The following FBXW9 variants were observed in gnomAD, a reference collection of about 807,000 sequenced individuals.
FBXW9 encodes the protein F-box/WD repeat-containing protein 9.
A neutral mutation model predicts 55.8 loss-of-function variants in FBXW9; 38 were observed. That is an observed-to-expected ratio of 0.68 (90% CI 0.53 to 0.89). The LOEUF (loss-of-function observed/expected upper bound fraction) is 0.89, where lower values mean the gene tolerates loss of function less well. FBXW9 is among the 40% of genes least tolerant of loss of function. The pLI, the probability that FBXW9 is intolerant of heterozygous loss-of-function variation, is 0.00. For missense variants in FBXW9, 590 were observed against 619.4 expected (o/e 0.95, Z 0.50); for synonymous variants, 289 against 278.2 (o/e 1.04, Z -0.38).
At position 12,689,818 on chromosome 19, in the gene FBXW9, G is replaced by A. The variant is rs777866356; in HGVS notation, c.1089C>T (p.Asp363=). 1 of 1,614,156 alleles carries A rather than the reference G, an allele frequency of 6.2e-7. No homozygotes were observed. The highest frequency in any genetic ancestry group is 1.1e-5 in the South Asian group (1 of 91,086). The change falls in exon 7 of 10, where the codon GAC becomes GAT. Residue 363 remains aspartate, a synonymous_variant. Transcript: ENST00000393261. This position sits in a 1 kb window ranked among gnomAD's most constrained non-coding sequence, Gnocchi z 5.9. ...SYQEPQLWAG[D]NQGLLHVFAN... Reference sequence around the variant, plus strand: ...CGAAGACGTGCAGCAGGCCCTGGTTGTCACCAGCCCAGAGCTGGGGTTCCT... The same window carrying A: ...CGAAGACGTGCAGCAGGCCCTGGTTATCACCAGCCCAGAGCTGGGGTTCCT...
chr19:12,696,093 C>T, intron 1 of FBXW9, 80 bp downstream of exon 1: 5 of 1,349,704 alleles, frequency 3.7e-6, no homozygotes, highest in Non-Finnish European at 4.9e-6. Flanking sequence ...CCGGAACACC[C>T]CATGTACCTC....
Position 12,689,755 on chromosome 19 carries a change from G to A in FBXW9, c.1146+6C>T, listed in dbSNP as rs1211553448. The A allele has an allele frequency of 6.2e-7, 1 of 1,613,654 alleles. No homozygotes were observed. Among genetic ancestry groups the A allele is most frequent in the Non-Finnish European group, 8.5e-7 (1 of 1,179,620 alleles). Reference sequence around the variant, plus strand: ...GGGACAGTCAGGGGCAGGAGCTCCAGCAGACCCGGATAAGCTGGAAGCAGC... The same window carrying A: ...GGGACAGTCAGGGGCAGGAGCTCCAACAGACCCGGATAAGCTGGAAGCAGC... On this transcript the variant is annotated splice_donor_region_variant and intron_variant, in intron 7 of 9. Coordinates refer to ENST00000393261, the MANE Select transcript of FBXW9 (RefSeq NM_032301.3). The surrounding 1 kb of genome is among the most constrained non-coding windows in gnomAD (Gnocchi z 5.9).
At chr19:12,695,399 G>A (rs563460587) in intron 1 of FBXW9, among the ~76,000 whole-genome samples, 19 of 152,334 alleles carry the variant, frequency 1.2e-4, no homozygotes, top group African/African-American at 4.6e-4. Context: ...CCCAGATGCA[G>A]ATTCTGTGAT....
Position 12,689,562 on chromosome 19 carries a change from T to C in FBXW9, c.1215A>G (p.Thr405=), listed in dbSNP as rs2024973571. 6.2e-7 allele frequency: 1 copy of C among 1,613,936 alleles called. No individual in the cohort carries two copies. Among genetic ancestry groups the C allele is most frequent in the Admixed American group, 1.7e-5 (1 of 59,992 alleles). The change falls in exon 8 of 10, where the codon ACA becomes ACG. Residue 405 remains threonine (T), a synonymous_variant. Transcript: ENST00000393261. This position sits in a 1 kb window ranked among gnomAD's most constrained non-coding sequence, Gnocchi z 5.9. ...IQYSVGALYT[T]STDKTIRVHV... ...TCACCCGGATGGTCTTGTCAGTGGA[T>C]GTGGTGTACAAGGCTCCCACGGAGT...
At position 12,689,449 on chromosome 19, in the gene FBXW9, C is replaced by T. The variant is rs1395185490; in HGVS notation, c.1237-12G>A. 6.2e-6 allele frequency: 10 copies of T among 1,613,952 alleles called. No homozygotes were observed. The African/African-American group carries it at 1.3e-4, about 22-fold the overall frequency. Reference sequence around the variant, plus strand: ...GTGGGCACGTGCACCTAGTGAGGGGCAATGGGCGAGGTCAAGAGGTGTGCC... The same window carrying T: ...GTGGGCACGTGCACCTAGTGAGGGGTAATGGGCGAGGTCAAGAGGTGTGCC... On this transcript the variant is annotated splice_polypyrimidine_tract_variant and intron_variant, in intron 8 of 9. Transcript: ENST00000393261. This position sits in a 1 kb window ranked among gnomAD's most constrained non-coding sequence, Gnocchi z 5.9.
intron 1 of FBXW9, 134 bp downstream of exon 1, chr19:12,696,039 A>G (rs2025065516): frequency 1.0e-6 from 1 of 960,648 alleles, no homozygotes; most frequent in Non-Finnish European, 1.5e-6. Flanking sequence ...CTTAGCCTCC[A>G]GCCTGAGCCA....
chr19:12,690,162 C>A (rs777566436), intron 5 of FBXW9, 52 bp from the exon 6 acceptor site: 7 of 1,609,318 alleles, frequency 4.3e-6, no homozygotes, highest in Non-Finnish European at 5.9e-6. Context: ...CTCGAAGGCC[C>A]CCCCCAGCCC....
rs1304034449 is a variant in FBXW9 at position 12,696,348 on chromosome 19, G to A, written c.234C>T (p.Gly78=). 6.2e-7 allele frequency: 1 copy of A among 1,601,882 alleles called. No homozygotes were observed. Among genetic ancestry groups the A allele is most frequent in the Non-Finnish European group, 8.5e-7 (1 of 1,174,962 alleles). ...ASRVSAVSEP[G]LLSLPPELLL... ...GCAGCTCCGGGGGAAGGCTCAGAAG[G>A]CCCGGCTCACTTACGGCCGAAACCC... is the stretch of plus-strand genomic sequence containing the variant. The change falls in exon 1 of 10, where the codon GGC becomes GGT. Residue 78 remains glycine (G), a synonymous_variant. Transcript: ENST00000393261.
At position 12,694,597 on chromosome 19, in the gene FBXW9, A is replaced by C. The variant is rs1214023273; in HGVS notation, c.675T>G (p.His225Gln). Reference sequence around the variant, plus strand: ...CTATCCCCACCTGACTCCTCACCTCATGGGTACTATTTCGCTTAGTGCCTA... The same window carrying C: ...CTATCCCCACCTGACTCCTCACCTCCTGGGTACTATTTCGCTTAGTGCCTA... Reference protein sequence around the residue: ...KTLGTKRNSTHEGWVWSLAAQ... With the variant: ...KTLGTKRNSTQEGWVWSLAAQ... The change falls in exon 3 of 10, where the codon CAT becomes CAG. Residue 225 changes from histidine to glutamine, a missense_variant. By Grantham distance (24) the His-to-Gln change is conservative. Coordinates refer to ENST00000393261, the MANE Select transcript of FBXW9 (RefSeq NM_032301.3). 1 of 1,613,998 alleles carries C rather than the reference A, an allele frequency of 6.2e-7. No individual in the cohort carries two copies. Among genetic ancestry groups the C allele is most frequent in the Non-Finnish European group, 8.5e-7 (1 of 1,179,892 alleles).
chr19:12,696,393 C>T lies in FBXW9; in HGVS notation c.189G>A (p.Ser63=). 1 of 1,611,730 alleles carries T rather than the reference C, an allele frequency of 6.2e-7. No homozygotes were observed. Among genetic ancestry groups the T allele is most frequent in the Non-Finnish European group, 8.5e-7 (1 of 1,179,500 alleles). ...LSTPAASPSA[S]EPRAASRVSA... ...AAACCCTGGACGCGGCCCGAGGCTC[C>T]GAAGCGCTCGGGGACGCGGCGGGTG... The change falls in exon 1 of 10, where the codon TCG becomes TCA. Residue 63 remains serine, a synonymous_variant. Transcript: ENST00000393261.
chr19:12,694,707 GAC>G lies in FBXW9; in HGVS notation c.563_564del (p.Cys188SerfsTer32). 1 of 1,614,200 alleles carries G rather than the reference GAC, an allele frequency of 6.2e-7. No individual in the cohort carries two copies. Among genetic ancestry groups the G allele is most frequent in the Non-Finnish European group, 8.5e-7 (1 of 1,180,028 alleles). On this transcript the variant is annotated frameshift_variant, in exon 3 of 10. Coordinates refer to ENST00000393261, the MANE Select transcript of FBXW9 (RefSeq NM_032301.3). LOFTEE classifies it high-confidence loss of function. ...ACGTTGCGATCTCGGGAGCCCGACA[GAC>G]AGAGTGACCCACCCTGGAAAGGGAG... ...SVLLLQGGSL[C>X]LSGSRDRNVN... is the part of the protein sequence containing the mutation.
At position 12,694,786 on chromosome 19, in the gene FBXW9, G is replaced by C. The variant is rs2025054336; in HGVS notation, c.549+13C>G. On this transcript the variant is annotated intron_variant, in intron 2 of 9. Coordinates refer to ENST00000393261, the MANE Select transcript of FBXW9 (RefSeq NM_032301.3). ...GGCCCACCCTGCCTGGCCCCCCACAGACCCCGTCTCACCTGGAGCAGCAGC... is the reference window on the plus strand; with the variant it reads ...GGCCCACCCTGCCTGGCCCCCCACACACCCCGTCTCACCTGGAGCAGCAGC... 3 of 1,613,860 alleles carry C rather than the reference G, an allele frequency of 1.9e-6. No homozygotes were observed. Among genetic ancestry groups the C allele is most frequent in the Non-Finnish European group, 2.5e-6 (3 of 1,179,880 alleles).
intron 1 of FBXW9, 65 bp downstream of exon 1, chr19:12,696,108 C>T: frequency 6.9e-7 from 1 of 1,441,596 alleles, no homozygotes; most frequent in Non-Finnish European, 9.1e-7. Context: ...TACCTCTTCC[C>T]CGCCCCAAGC....
intron 5 of FBXW9, among the ~76,000 whole-genome samples, chr19:12,690,794 G>C (rs562415237): frequency 1.3e-5 from 2 of 152,152 alleles, no homozygotes; most frequent in East Asian, 3.9e-4. Context: ...ACAGGTAGGC[G>C]CCACCACATC....
In FBXW9 at chr19:12,689,941, A is replaced by G. The variant is rs927936019; in HGVS notation, c.1032+21T>C. On this transcript the variant is annotated intron_variant, in intron 6 of 9. Transcript: ENST00000393261. The surrounding 1 kb of genome is among the most constrained non-coding windows in gnomAD (Gnocchi z 5.9). Reference sequence around the variant, plus strand: ...GGCCTGCAACAGTCCCCATCCCTCCAGGCCCCTGGGGAGGGCCCACCTGCA... The same window carrying G: ...GGCCTGCAACAGTCCCCATCCCTCCGGGCCCCTGGGGAGGGCCCACCTGCA... 9.3e-6 allele frequency: 15 copies of G among 1,612,782 alleles called. No individual in the cohort carries two copies. Among genetic ancestry groups the G allele is most frequent in the African/African-American group, 1.3e-5 (1 of 74,970 alleles).
At chr19:12,694,978 C>T (rs2025056810) in intron 1 of FBXW9, 40 bp from the exon 2 acceptor site, 1 of 1,590,298 alleles carries the variant, frequency 6.3e-7, no homozygotes, top group Non-Finnish European at 8.5e-7. Context: ...TGGGCAGGGA[C>T]CCTAGCACCC....
intron 1 of FBXW9, among the ~76,000 whole-genome samples, chr19:12,695,743 G>A (rs1161809592): frequency 3.3e-5 from 5 of 152,128 alleles, no homozygotes; most frequent in Admixed American, 3.3e-4. Context: ...ACATCAACAG[G>A]TGCTGTCTCA....
In FBXW9 at chr19:12,689,986, G is replaced by T; in HGVS notation, c.1008C>A (p.Ala336=). 1 of 1,613,962 alleles carries T rather than the reference G, an allele frequency of 6.2e-7. No individual in the cohort carries two copies. The highest frequency in any genetic ancestry group is 8.5e-7 in the Non-Finnish European group (1 of 1,180,018). ...DHTLVVVDRR[A]NSVLQRLQLD... ...CCTGCAGACGCTGCAGGACGCTGTT[G>T]GCTCGGCGGTCCACCACCACCAGGG... Residue 336 remains alanine (A), a synonymous_variant, in exon 6 of 10, where the codon GCC becomes GCA. Coordinates refer to ENST00000393261, the MANE Select transcript of FBXW9 (RefSeq NM_032301.3). The surrounding 1 kb of genome is among the most constrained non-coding windows in gnomAD (Gnocchi z 5.9).
chr19:12,696,585 G>T lies in FBXW9; in HGVS notation c.-4C>A, dbSNP rs1470680197. 1.9e-6 allele frequency: 3 copies of T among 1,606,434 alleles called. No individual in the cohort carries two copies. The highest frequency in any genetic ancestry group is 2.2e-5 in the East Asian group (1 of 44,846). On this transcript the variant is annotated 5_prime_UTR_variant, in exon 1 of 10. Coordinates refer to ENST00000393261, the MANE Select transcript of FBXW9 (RefSeq NM_032301.3). ...ACCGCCCTAGGGGAAGCTCCATTGC[G>T]ACCGGGTGGGCGCTGCCGGCCTCGC... is the stretch of plus-strand genomic sequence containing the variant.
Sources: allele counts gnomAD v4.1 joint callset (sites outside exome capture counted in the v4.1 genomes callset), GRCh38; gene constraint gnomAD v4.1.1; non-coding constraint Gnocchi (gnomAD v3.1); transcripts MANE v1.5; gene names NCBI Gene and HGNC (gene_info 2026-07-23, HGNC 2026-07-21).